The following PCGF5 variants were observed in gnomAD, a reference collection of about 807,000 sequenced individuals.
The protein encoded by PCGF5 is polycomb group ring finger 5.
PCGF5 carries 9 observed loss-of-function variants against 44.3 expected under a neutral mutation model. That is an observed-to-expected ratio of 0.20 (90% CI 0.12 to 0.35). The LOEUF (loss-of-function observed/expected upper bound fraction) is 0.35. PCGF5 is among the 10% of genes least tolerant of loss of function. PCGF5 has a pLI of 1.00. For synonymous variants in PCGF5, 95 were observed against 102.5 expected (o/e 0.93, Z 0.44); for missense variants, 146 against 305.3 (o/e 0.48, Z 3.89).
intron 1 of PCGF5, among the ~76,000 whole-genome samples, chr10:91,186,270 G>A (rs7902531): frequency 0.19 from 28,610 of 152,104 alleles, 3,211 homozygotes; most frequent in East Asian, 0.49. Flanking sequence ...TGTACCAGGC[G>A]TTCATTCACC....
intron 8 of PCGF5, among the ~76,000 whole-genome samples, chr10:91,270,766 T>C (rs567140671): frequency 6.6e-6 from 1 of 152,316 alleles, no homozygotes; most frequent in African/African-American, 2.4e-5. Context: ...CCTTATATTT[T>C]TTATGTATTT....
At chr10:91,167,514 T>C (rs1843520902) in intron 1 of PCGF5, among the ~76,000 whole-genome samples, 1 of 152,222 alleles carries the variant, frequency 6.6e-6, no homozygotes, top group Non-Finnish European at 1.5e-5. Context: ...GGCAAAAATG[T>C]AGGGACCAGC....
chr10:91,272,482 A>AT (rs1846202961), intron 9 of PCGF5, among the ~76,000 whole-genome samples: 1 of 117,958 alleles, frequency 8.5e-6, no homozygotes, highest in Non-Finnish European at 1.7e-5. Context: ...AAAAAAAATT[A>AT]TTTTTTTAGG....
Position 91,280,020 on chromosome 10 carries a change from G to T in PCGF5, c.*1704G>T, listed in dbSNP as rs1400291230. The T allele has an allele frequency of 6.6e-6, 1 of 151,718 alleles. No individual in the cohort carries two copies. Among genetic ancestry groups the T allele is most frequent in the African/African-American group, 2.4e-5 (1 of 41,314 alleles). 9.4% of individuals were successfully genotyped at this position (151,718 alleles called of 1,614,324 possible). ...TTTTTCTGTTGTTGTTCCAACTTTG[G>T]TGAAAAAGGTTATGGCAATACTTTA... On this transcript the variant is annotated 3_prime_UTR_variant, in exon 10 of 10. Coordinates refer to ENST00000336126, the MANE Select transcript of PCGF5 (RefSeq NM_032373.5).
intron 1 of PCGF5, among the ~76,000 whole-genome samples, chr10:91,183,833 T>C (rs1013087362): frequency 6.6e-6 from 1 of 152,214 alleles, no homozygotes; most frequent in South Asian, 2.1e-4. Flanking sequence ...TTAGTTTGGC[T>C]GGATATGAAA....
chr10:91,245,595 A>AT (rs1845439900), intron 3 of PCGF5, among the ~76,000 whole-genome samples: 1 of 152,130 alleles, frequency 6.6e-6, no homozygotes, highest in African/African-American at 2.4e-5. Flanking sequence ...GCAGAAAGTT[A>AT]ATCATGTGGG....
Position 91,248,363 on chromosome 10 carries a change from G to A in PCGF5, c.210-142G>A, listed in dbSNP as rs985702853. ...AAGGCTGTAAATAAGTGTGTTCCAT[G>A]GACAGAAGAGTATGGTATAGTAGAT... On this transcript the variant is annotated intron_variant, in intron 3 of 9. Coordinates refer to ENST00000336126, the MANE Select transcript of PCGF5 (RefSeq NM_032373.5). 1.4e-5 allele frequency: 11 copies of A among 764,994 alleles called. 1 individual carries two copies. Among genetic ancestry groups the A allele is most frequent in the East Asian group, 5.1e-5 (2 of 38,846 alleles). 47.4% of individuals were successfully genotyped at this position (764,994 alleles called of 1,614,324 possible). A position where few individuals can be genotyped will look rare whatever the true frequency, so the allele number is the denominator to read the frequency against.
chr10:91,159,186 C>T (rs929830078), upstream of PCGF5, among the ~76,000 whole-genome samples: 1 of 152,164 alleles, frequency 6.6e-6, no homozygotes, highest in African/African-American at 2.4e-5. Context: ...ATTAGGGCCA[C>T]AAAAACTTGG....
intron 1 of PCGF5, among the ~76,000 whole-genome samples, chr10:91,221,983 G>A (rs775043100): frequency 6.6e-6 from 1 of 152,204 alleles, no homozygotes; most frequent in Non-Finnish European, 1.5e-5. Flanking sequence ...GGGCGTGTTG[G>A]ATAGAGTGCT....
intron 1 of PCGF5, among the ~76,000 whole-genome samples, chr10:91,188,080 A>C (rs137894732): frequency 0.019 from 2,855 of 152,154 alleles, 76 homozygotes; most frequent in African/African-American, 0.065. Flanking sequence ...GCACCCGTTA[A>C]CTCCCCCGAA....
chr10:91,241,867 G>T (rs928927960), intron 3 of PCGF5, among the ~76,000 whole-genome samples: 5 of 152,094 alleles, frequency 3.3e-5, no homozygotes, highest in Non-Finnish European at 7.3e-5. Flanking sequence ...TAGCCCTGTG[G>T]TTTTCAAAGT....
intron 1 of PCGF5, among the ~76,000 whole-genome samples, chr10:91,212,647 C>T (rs746433506): frequency 3.3e-5 from 5 of 152,172 alleles, no homozygotes; most frequent in Non-Finnish European, 5.9e-5. Flanking sequence ...AAGAATTGTA[C>T]AGCCTAACTT....
chr10:91,248,495 CCT>C lies in PCGF5; in HGVS notation c.210-9_210-8del, dbSNP rs1197060876. The C allele has an allele frequency of 9.9e-6, 16 of 1,608,976 alleles. No homozygotes were observed. The highest frequency in any genetic ancestry group is 1.2e-5 in the Non-Finnish European group (14 of 1,175,946). On this transcript the variant is annotated splice_polypyrimidine_tract_variant and splice_region_variant and intron_variant, in intron 3 of 9. Transcript: ENST00000336126. Reference sequence around the variant, plus strand: ...CATTGTTAGTATTTTCTTTCTCCCCCCTTTCGAAGGTTGGACAATACATTAGA... The same window carrying C: ...CATTGTTAGTATTTTCTTTCTCCCCCTTCGAAGGTTGGACAATACATTAGA...
chr10:91,178,395 CT>C (rs5786943), intron 1 of PCGF5, among the ~76,000 whole-genome samples: 259 of 143,328 alleles, frequency 1.8e-3, no homozygotes, highest in African/African-American at 2.8e-3. Flanking sequence ...CTTTTCTTTT[CT>C]TTTTTTTTTT....
chr10:91,189,822 C>T (rs1004607603), intron 1 of PCGF5, among the ~76,000 whole-genome samples: 1 of 152,098 alleles, frequency 6.6e-6, no homozygotes, highest in Non-Finnish European at 1.5e-5. Context: ...ATATTGAACA[C>T]GTCTATATTT....
chr10:91,248,012 G>C (rs1415174485), intron 3 of PCGF5, among the ~76,000 whole-genome samples: 1 of 152,142 alleles, frequency 6.6e-6, no homozygotes, highest in Non-Finnish European at 1.5e-5. Flanking sequence ...CTGTGGACTA[G>C]TCTAAAATGG....
intron 7 of PCGF5, among the ~76,000 whole-genome samples, chr10:91,263,637 C>A (rs1361363776): frequency 6.6e-6 from 1 of 152,160 alleles, no homozygotes; most frequent in Non-Finnish European, 1.5e-5. Flanking sequence ...CTTAATTATG[C>A]TTTCTTGAAT....
In PCGF5 at chr10:91,264,843, G is replaced by C. The variant is rs35953673; in HGVS notation, c.663+323G>C. 6.6e-3 allele frequency among the ~76,000 whole-genome samples: 1,008 copies of C among 152,242 alleles called. 10 individuals carry two copies. Among genetic ancestry groups the C allele is most frequent in the Middle Eastern group, 0.01 (3 of 294 alleles). On this transcript the variant is annotated intron_variant, in intron 8 of 9. Coordinates refer to ENST00000336126, the MANE Select transcript of PCGF5 (RefSeq NM_032373.5). Reference sequence around the variant, plus strand: ...TGGAACATTTATGTATATGGAATGGGAGTGGGGGAAACTTAAGTTCTCCCC... The same window carrying C: ...TGGAACATTTATGTATATGGAATGGCAGTGGGGGAAACTTAAGTTCTCCCC...
At chr10:91,267,859 G>A (rs1422055179) in intron 8 of PCGF5, among the ~76,000 whole-genome samples, 1 of 152,120 alleles carries the variant, frequency 6.6e-6, no homozygotes, top group African/African-American at 2.4e-5. Context: ...CCTTGGGCTG[G>A]AGTCAGCTTA....
Sources: allele counts gnomAD v4.1 joint callset (sites outside exome capture counted in the v4.1 genomes callset), GRCh38; gene constraint gnomAD v4.1.1; transcripts MANE v1.5; gene names NCBI Gene and HGNC (gene_info 2026-07-23, HGNC 2026-07-21).